Variants in ELP4 observed in about 807,000 individuals in gnomAD.
The protein encoded by ELP4 is elongator complex protein 4.
ELP4 carries 51 observed loss-of-function variants against 48.9 expected under a neutral mutation model. That is an observed-to-expected ratio of 1.04 (90% CI 0.83 to 1.32). ELP4 has a LOEUF of 1.32. Among genes scored for constraint, ELP4 ranks in the 40% most tolerant of loss-of-function variants. ELP4 has a pLI of 0.00. For synonymous variants in ELP4, 210 were observed against 189.2 expected, an observed-to-expected ratio of 1.11 and a Z score of -0.90; for missense variants, 519 against 514.6, an observed-to-expected ratio of 1.01 and a Z score of -0.08.
At chr11:31,624,431 A>T (rs960746790) in intron 5 of ELP4, among the ~76,000 whole-genome samples, 7 of 151,648 alleles carry the variant, frequency 4.6e-5, no homozygotes, top group Non-Finnish European at 1.5e-5. Flanking sequence ...AGTAAATAAT[A>T]GTCTAAAAGA....
chr11:31,761,089 G>A (rs776625343), intron 9 of ELP4, among the ~76,000 whole-genome samples: 11 of 151,986 alleles, frequency 7.2e-5, no homozygotes, highest in South Asian at 2.1e-4. Context: ...AAGGCTGTTC[G>A]CGGTGGCTCA....
intron 9 of ELP4, among the ~76,000 whole-genome samples, chr11:31,684,110 T>G (rs997765343): frequency 1.3e-5 from 2 of 152,206 alleles, no homozygotes; most frequent in Non-Finnish European, 2.9e-5. Context: ...TAAATTGGTA[T>G]GTCACTTCTT....
At chr11:31,618,941 G>A (rs925076505) in intron 5 of ELP4, among the ~76,000 whole-genome samples, 2 of 152,018 alleles carry the variant, frequency 1.3e-5, no homozygotes, top group African/African-American at 4.8e-5. Flanking sequence ...AGCCATTGGA[G>A]GTCATCAGTC....
chr11:31,745,032 T>C (rs1947550124), intron 9 of ELP4, among the ~76,000 whole-genome samples: 1 of 152,194 alleles, frequency 6.6e-6, no homozygotes, highest in Non-Finnish European at 1.5e-5. Flanking sequence ...GATAAGCAAC[T>C]TCAGCAAAGT....
chr11:31,750,488 A>T (rs1947696780), intron 9 of ELP4, among the ~76,000 whole-genome samples: 2 of 152,150 alleles, frequency 1.3e-5, no homozygotes. Flanking sequence ...GCTACCTGGG[A>T]TGCAGTCAAA....
chr11:31,616,850 T>G (rs1944496248), intron 5 of ELP4, among the ~76,000 whole-genome samples: 1 of 151,748 alleles, frequency 6.6e-6, no homozygotes, highest in Admixed American at 6.6e-5. Context: ...CAAATACAAG[T>G]CAAAACCACA....
intron 3 of ELP4, among the ~76,000 whole-genome samples, chr11:31,547,699 A>G (rs1018694984): frequency 6.6e-6 from 1 of 152,158 alleles, no homozygotes; most frequent in African/African-American, 2.4e-5. Flanking sequence ...AGAATTTTAG[A>G]CCAATATCCT....
At chr11:31,714,627 G>T in intron 9 of ELP4, 1 of 398,404 alleles carries the variant, frequency 2.5e-6, no homozygotes, top group Non-Finnish European at 4.4e-6. Flanking sequence ...TACGGTTCTG[G>T]CAGGCAGAGG....
At chr11:31,706,577 A>G (rs1041650738) in intron 9 of ELP4, among the ~76,000 whole-genome samples, 18 of 147,278 alleles carry the variant, frequency 1.2e-4, no homozygotes, top group African/African-American at 4.2e-4. Flanking sequence ...TATAATTAAT[A>G]ATTAATGATA....
In ELP4 at chr11:31,789,786, A is replaced by G. The variant is rs913523296; in HGVS notation, c.*6262A>G. On this transcript the variant is annotated 3_prime_UTR_variant, in exon 10 of 10. Coordinates refer to ENST00000640961, the MANE Select transcript of ELP4 (RefSeq NM_019040.5). ...CTTGTTTCAAGTCCATTCCTTCCCC[A>G]GTGGTACAATACAGGACACAATTGT... 1.2e-5 allele frequency: 9 copies of G among 752,306 alleles called. No individual in the cohort carries two copies. Among genetic ancestry groups the G allele is most frequent in the Admixed American group, 2.0e-5 (1 of 50,052 alleles). 46.6% of individuals were successfully genotyped at this position (752,306 alleles called of 1,614,324 possible). A position where few individuals can be genotyped will look rare whatever the true frequency, so the allele number is the denominator to read the frequency against.
At chr11:31,674,801 A>G (rs1005189159) in intron 9 of ELP4, among the ~76,000 whole-genome samples, 2 of 152,246 alleles carry the variant, frequency 1.3e-5, no homozygotes, top group Non-Finnish European at 2.9e-5. Flanking sequence ...AAACTTATTC[A>G]AGCTCAGGAT....
At chr11:31,549,700 C>T (rs536584915) in intron 3 of ELP4, among the ~76,000 whole-genome samples, 38 of 152,142 alleles carry the variant, frequency 2.5e-4, no homozygotes, top group African/African-American at 6.0e-4. Context: ...ATGTTTATTG[C>T]GGCACTATTC....
intron 3 of ELP4, among the ~76,000 whole-genome samples, chr11:31,565,129 G>A (rs1335236131): frequency 6.6e-6 from 1 of 152,200 alleles, no homozygotes; most frequent in Non-Finnish European, 1.5e-5. Flanking sequence ...GATGGCCAGT[G>A]ATGGTGAGCA....
chr11:31,671,247 T>C (rs1415051562), intron 9 of ELP4, among the ~76,000 whole-genome samples: 1 of 152,174 alleles, frequency 6.6e-6, no homozygotes, highest in African/African-American at 2.4e-5. Flanking sequence ...TAGAAGTTTT[T>C]TGGACCAAAA....
At chr11:31,662,567 A>T (rs746449645) in intron 9 of ELP4, 14 of 397,830 alleles carry the variant, frequency 3.5e-5, no homozygotes, top group Non-Finnish European at 5.3e-5. Context: ...GAAGGCAAAG[A>T]TATTTTCTGT....
At chr11:31,764,795 G>T (rs1251931541) in intron 9 of ELP4, among the ~76,000 whole-genome samples, 1 of 152,162 alleles carries the variant, frequency 6.6e-6, no homozygotes, top group Non-Finnish European at 1.5e-5. Context: ...AGAGAAAAAT[G>T]AAATACTAAA....
chr11:31,524,696 A>G (rs1956270866), intron 2 of ELP4, among the ~76,000 whole-genome samples: 1 of 152,232 alleles, frequency 6.6e-6, no homozygotes, highest in Non-Finnish European at 1.5e-5. Flanking sequence ...CTCACAGAAT[A>G]TTATAGTATT....
chr11:31,629,820 G>A (rs1192878931), intron 6 of ELP4, among the ~76,000 whole-genome samples: 3 of 138,356 alleles, frequency 2.2e-5, no homozygotes, highest in Non-Finnish European at 3.1e-5. Flanking sequence ...TCTTTCTGTT[G>A]GGAATCTAAC....
At chr11:31,591,893 A>G (rs1258656745) in intron 3 of ELP4, among the ~76,000 whole-genome samples, 1 of 152,234 alleles carries the variant, frequency 6.6e-6, no homozygotes, top group Non-Finnish European at 1.5e-5. Context: ...TGGTACATAC[A>G]TACAATGAAT....
Sources: allele counts gnomAD v4.1 joint callset (sites outside exome capture counted in the v4.1 genomes callset), GRCh38; gene constraint gnomAD v4.1.1; transcripts MANE v1.5; gene names NCBI Gene and HGNC (gene_info 2026-07-23, HGNC 2026-07-21).